Variants in SOX5 observed in about 807,000 individuals in gnomAD.
The protein encoded by SOX5 is transcription factor SOX-5.
A neutral mutation model predicts 92.0 loss-of-function variants in SOX5; 9 were observed. The ratio of observed to expected loss-of-function variants is 0.10; its 90% confidence interval spans 0.06 to 0.17. The LOEUF (loss-of-function observed/expected upper bound fraction) is 0.17. Among genes scored for constraint, SOX5 ranks in the 10% least tolerant of loss-of-function variants. SOX5 has a pLI of 1.00. For synonymous variants in SOX5, 344 were observed against 336.3 expected (o/e 1.02, Z -0.25); for missense variants, 642 against 944.5 (o/e 0.68, Z 4.20).
intron 3 of SOX5, among the ~76,000 whole-genome samples, chr12:24,241,981 ATC>A (rs1965640471): frequency 6.6e-6 from 1 of 152,224 alleles, no homozygotes; most frequent in African/African-American, 2.4e-5. Context: ...TACCAGAAGC[ATC>A]TGTTTTAATC....
At chr12:23,735,499 T>G (rs926114380) in intron 5 of SOX5, among the ~76,000 whole-genome samples, 1 of 152,190 alleles carries the variant, frequency 6.6e-6, no homozygotes, top group African/African-American at 2.4e-5. Flanking sequence ...TCCTTCTTAG[T>G]CACCTTTAAT....
At chr12:23,983,747 C>T (rs542039030) in intron 4 of SOX5, among the ~76,000 whole-genome samples, 39 of 151,902 alleles carry the variant, frequency 2.6e-4, no homozygotes, top group South Asian at 2.3e-3. Flanking sequence ...TTTTTGTGGA[C>T]GGAGAACTTA....
chr12:23,986,982 T>C (rs1431938130), intron 4 of SOX5, among the ~76,000 whole-genome samples: 1 of 152,218 alleles, frequency 6.6e-6, no homozygotes, highest in Non-Finnish European at 1.5e-5. Context: ...ATATTTACTT[T>C]CTTCTCTCAA....
chr12:23,702,024 G>A (rs2090708157), intron 6 of SOX5, among the ~76,000 whole-genome samples: 1 of 152,028 alleles, frequency 6.6e-6, no homozygotes. Context: ...AAAATATGAA[G>A]AAAGATTTAC....
At chr12:23,797,492 T>G (rs1339473556) in intron 3 of SOX5, among the ~76,000 whole-genome samples, 1 of 151,954 alleles carries the variant, frequency 6.6e-6, no homozygotes, top group Non-Finnish European at 1.5e-5. Flanking sequence ...TGATAACTCT[T>G]CGGCATTTGC....
At chr12:23,887,777 A>AT (rs1018787222) in intron 2 of SOX5, among the ~76,000 whole-genome samples, 4 of 152,110 alleles carry the variant, frequency 2.6e-5, no homozygotes. Context: ...TTTGTGGTCA[A>AT]TTTTTTTCCC....
At chr12:23,900,513 A>G (rs531693476) in intron 1 of SOX5, among the ~76,000 whole-genome samples, 2 of 152,296 alleles carry the variant, frequency 1.3e-5, no homozygotes, top group South Asian at 2.1e-4. Context: ...CTTTGCCTGC[A>G]CATTGGAATT....
chr12:23,731,683 C>T (rs1320420558), intron 6 of SOX5, among the ~76,000 whole-genome samples: 2 of 152,132 alleles, frequency 1.3e-5, no homozygotes, highest in East Asian at 1.9e-4. Context: ...TAACTCTTAT[C>T]AATCGAATTC....
intron 4 of SOX5, among the ~76,000 whole-genome samples, chr12:24,188,326 C>T (rs985242939): frequency 1.3e-5 from 2 of 152,126 alleles, no homozygotes; most frequent in Non-Finnish European, 2.9e-5. Context: ...TATTTATACC[C>T]TAGTATTGTT....
chr12:23,718,475 G>C (rs1593615924), intron 6 of SOX5, among the ~76,000 whole-genome samples: 2 of 152,260 alleles, frequency 1.3e-5, no homozygotes, highest in Admixed American at 1.3e-4. Flanking sequence ...TCAGGGACTT[G>C]GCAGAATTAG....
rs182836539 is a variant in SOX5 at position 23,619,930 on chromosome 12, C to T, written c.1018-15397G>A. Among the ~76,000 whole-genome samples, 27 of 152,194 alleles carry T rather than the reference C, an allele frequency of 1.8e-4. No individual in the cohort carries two copies. In the East Asian group the frequency reaches 4.8e-3, roughly 27 times the overall value. ...ATAAAATGCCAGTTTCATTCTAGGT[C>T]TTTAGCTCCATAGAGCTTACATAGA... On this transcript the variant is annotated intron_variant, in intron 8 of 14. Transcript: ENST00000451604.
chr12:24,183,871 C>T (rs879469860), intron 4 of SOX5, among the ~76,000 whole-genome samples: 7 of 152,138 alleles, frequency 4.6e-5, no homozygotes, highest in Admixed American at 1.3e-4. Context: ...TATCTACAAA[C>T]TGTAGACATT....
chr12:24,223,095 A>C (rs1960908214), intron 3 of SOX5, among the ~76,000 whole-genome samples: 1 of 152,220 alleles, frequency 6.6e-6, no homozygotes, highest in Admixed American at 6.5e-5. Flanking sequence ...GATATTATTT[A>C]GATGTTTCTT....
intron 2 of SOX5, among the ~76,000 whole-genome samples, chr12:23,875,442 A>G (rs1212500776): frequency 1.3e-5 from 2 of 152,196 alleles, no homozygotes; most frequent in Non-Finnish European, 2.9e-5. Flanking sequence ...TCCTGATTAA[A>G]ATGTGTTACA....
chr12:24,361,773 A>G (rs1595921926), intron 2 of SOX5, among the ~76,000 whole-genome samples: 1 of 152,252 alleles, frequency 6.6e-6, no homozygotes, highest in Non-Finnish European at 1.5e-5. Context: ...TGAGCCCTGT[A>G]AAGACCTCCA....
At chr12:23,599,095 C>A (rs1049860239) in intron 9 of SOX5, among the ~76,000 whole-genome samples, 1 of 152,074 alleles carries the variant, frequency 6.6e-6, no homozygotes, top group African/African-American at 2.4e-5. Flanking sequence ...GGTACCATTT[C>A]AGCAAAAAAA....
At chr12:24,144,624 TG>T (rs1950893957) in intron 4 of SOX5, among the ~76,000 whole-genome samples, 2 of 152,062 alleles carry the variant, frequency 1.3e-5, no homozygotes, top group South Asian at 4.1e-4. Flanking sequence ...TCAAACTTGG[TG>T]TGGTGCTGGG....
chr12:23,865,476 C>G (rs111362066), intron 2 of SOX5, among the ~76,000 whole-genome samples: 4,957 of 152,194 alleles, frequency 0.033, 119 homozygotes, highest in South Asian at 0.064. Context: ...GAGATCAAGA[C>G]CACCTTGGCT....
At chr12:23,680,865 T>C (rs1246961637) in intron 6 of SOX5, among the ~76,000 whole-genome samples, 1 of 151,312 alleles carries the variant, frequency 6.6e-6, no homozygotes, top group Non-Finnish European at 1.5e-5. Flanking sequence ...ATGTTTCCAG[T>C]AAACACTTTC....
Sources: allele counts gnomAD v4.1 joint callset (sites outside exome capture counted in the v4.1 genomes callset), GRCh38; gene constraint gnomAD v4.1.1; transcripts MANE v1.5; gene names NCBI Gene and HGNC (gene_info 2026-07-23, HGNC 2026-07-21).